TENM3: variants seen among roughly 807,000 people sequenced by gnomAD.
The protein encoded by TENM3 is teneurin-3.
In TENM3, 63 loss-of-function variants were observed where a neutral mutation model predicts 255.1. The ratio of observed to expected loss-of-function variants is 0.25; its 90% CI spans 0.20 to 0.30. The LOEUF (loss-of-function observed/expected upper bound fraction) is 0.30. TENM3 is among the 10% of genes least tolerant of loss of function. The probability of loss-of-function intolerance (pLI) is 1.00; values close to 1 mark genes in which losing one functional copy is unlikely to be tolerated. For missense variants in TENM3, 2,929 were observed against 3,461.1 expected (o/e 0.85, Z 3.86); for synonymous variants, 1,306 against 1,322.3 (o/e 0.99, Z 0.27).
the TENM3 span, among the ~76,000 whole-genome samples, chr4:181,630,536 G>T: frequency 1.3e-5 from 2 of 152,044 alleles, no homozygotes; most frequent in Admixed American, 6.6e-5. Flanking sequence ...CTGGTATGTT[G>T]TGTCTTTGTT....
At chr4:181,976,166 C>G in the TENM3 span, 3 of 152,630 alleles carry the variant, frequency 2.0e-5, no homozygotes, top group Admixed American at 2.0e-4. Context: ...GTTGCCCAGG[C>G]TGAAGCACAG....
intron 3 of TENM3, among the ~76,000 whole-genome samples, chr4:182,371,701 G>A (rs961482539): frequency 4.6e-5 from 7 of 152,084 alleles, no homozygotes; most frequent in African/African-American, 9.7e-5. Context: ...GTCTTGTCTC[G>A]TTTCCTATCC....
the TENM3 span, among the ~76,000 whole-genome samples, chr4:181,564,008 GTTTTCTTTTC>G: frequency 4.7e-5 from 6 of 128,552 alleles, no homozygotes; most frequent in Non-Finnish European, 9.5e-5. Flanking sequence ...TGAAAATGAT[GTTTTCTTTTC>G]TTTTCTTTTC....
At chr4:181,738,696 G>A in the TENM3 span, among the ~76,000 whole-genome samples, 17 of 151,516 alleles carry the variant, frequency 1.1e-4, no homozygotes, top group South Asian at 4.2e-4. Context: ...ACTTGTTTTC[G>A]TTCTCCCAAG....
chr4:181,916,215 C>G, the TENM3 span, among the ~76,000 whole-genome samples: 8 of 152,172 alleles, frequency 5.3e-5, no homozygotes, highest in Admixed American at 4.6e-4. Flanking sequence ...AGAATTTACC[C>G]TCTGATATTC....
At chr4:182,795,689 G>A (rs1766451994) in intron 26 of TENM3, among the ~76,000 whole-genome samples, 1 of 152,216 alleles carries the variant, frequency 6.6e-6, no homozygotes, top group Non-Finnish European at 1.5e-5. Context: ...CTGACTGAAA[G>A]TCTGGAAAGC....
intron 5 of TENM3, among the ~76,000 whole-genome samples, chr4:182,645,597 A>G (rs575833499): frequency 2.0e-5 from 3 of 152,172 alleles, no homozygotes; most frequent in Non-Finnish European, 4.4e-5. Context: ...TTTACAGTCA[A>G]ACTACAGACT....
chr4:181,744,660 G>A, the TENM3 span, among the ~76,000 whole-genome samples: 1 of 152,328 alleles, frequency 6.6e-6, no homozygotes, highest in African/African-American at 2.4e-5. Context: ...CCAGGTGAAG[G>A]ATGTGGGCAG....
chr4:182,701,962 A>T (rs1352560920), intron 12 of TENM3, among the ~76,000 whole-genome samples: 1 of 152,246 alleles, frequency 6.6e-6, no homozygotes, highest in Non-Finnish European at 1.5e-5. Context: ...ATATGCATGT[A>T]AAATATAATA....
intron 13 of TENM3, among the ~76,000 whole-genome samples, chr4:182,719,949 T>G (rs950267047): frequency 1.3e-5 from 2 of 151,924 alleles, no homozygotes; most frequent in African/African-American, 4.8e-5. Context: ...TAGTCCGAGC[T>G]ACTCAGGAGG....
chr4:182,313,104 AT>A (rs1305443022), intron 1 of TENM3, among the ~76,000 whole-genome samples: 6 of 151,808 alleles, frequency 4.0e-5, no homozygotes, highest in Admixed American at 1.3e-4. Context: ...TATTATCTTT[AT>A]TTTTTTCTTT....
intron 27 of TENM3, among the ~76,000 whole-genome samples, chr4:182,797,721 A>G (rs1766597949): frequency 6.6e-6 from 1 of 152,194 alleles, no homozygotes; most frequent in Non-Finnish European, 1.5e-5. Context: ...CAGTAAGAAT[A>G]ATTAGAGATG....
At chr4:182,485,244 C>A (rs1190910391) in intron 3 of TENM3, among the ~76,000 whole-genome samples, 1 of 152,094 alleles carries the variant, frequency 6.6e-6, no homozygotes, top group African/African-American at 2.4e-5. Flanking sequence ...ATTACAAATG[C>A]ATCAGCAAAA....
At chr4:181,605,562 GAAAGAA>G in the TENM3 span, among the ~76,000 whole-genome samples, 400 of 26,992 alleles carry the variant, frequency 0.015, 19 homozygotes, top group Non-Finnish European at 0.027. Context: ...AAGAAAGAAA[GAAAGAA>G]AGAGAGAGAA....
chr4:182,278,824 T>C (rs1056849187), intron 1 of TENM3, among the ~76,000 whole-genome samples: 1 of 152,174 alleles, frequency 6.6e-6, no homozygotes, highest in African/African-American at 2.4e-5. Context: ...GGTGCTAGTG[T>C]AGGTTTGGGG....
chr4:181,575,741 T>A, the TENM3 span, among the ~76,000 whole-genome samples: 1 of 152,208 alleles, frequency 6.6e-6, no homozygotes, highest in Non-Finnish European at 1.5e-5. Flanking sequence ...CAACTCCTTT[T>A]TCTTTAGAAT....
intron 1 of TENM3, among the ~76,000 whole-genome samples, chr4:182,247,677 A>T (rs1177365603): frequency 6.6e-6 from 1 of 152,226 alleles, no homozygotes; most frequent in Non-Finnish European, 1.5e-5. Context: ...TACTGAAATG[A>T]CAAATAAGTA....
At chr4:181,991,813 T>C in the TENM3 span, among the ~76,000 whole-genome samples, 1 of 152,094 alleles carries the variant, frequency 6.6e-6, no homozygotes, top group Non-Finnish European at 1.5e-5. Context: ...AGGAGTCCAG[T>C]TCCAGAGATT....
At chr4:182,319,211 T>C (rs956632064) in intron 1 of TENM3, among the ~76,000 whole-genome samples, 1 of 152,264 alleles carries the variant, frequency 6.6e-6, no homozygotes, top group African/African-American at 2.4e-5. Flanking sequence ...ATGCACACAG[T>C]GACCCTCTTC....
Sources: allele counts gnomAD v4.1 joint callset (sites outside exome capture counted in the v4.1 genomes callset), GRCh38; gene constraint gnomAD v4.1.1; transcripts MANE v1.5; gene names NCBI Gene and HGNC (gene_info 2026-07-23, HGNC 2026-07-21).